The following PEX1 variants were observed in gnomAD, a reference collection of about 807,000 sequenced individuals.
PEX1 encodes the protein peroxisomal biogenesis factor 1.
PEX1 carries 97 observed loss-of-function variants against 152.5 expected under a neutral mutation model. That is an observed-to-expected ratio of 0.64 (90% CI 0.54 to 0.75). The LOEUF (loss-of-function observed/expected upper bound fraction) is 0.75, where lower values mean the gene tolerates loss of function less well. PEX1 is among the 30% of genes least tolerant of loss of function. The probability of loss-of-function intolerance (pLI) is 0.00; values close to 1 mark genes in which losing one functional copy is unlikely to be tolerated. For synonymous variants in PEX1, 485 were observed against 531.6 expected (o/e 0.91, Z 1.21); for missense variants, 1,357 against 1,516.3 (o/e 0.89, Z 1.74).
chr7:92,504,964 T>TATAAAATTGAG, intron 11 of PEX1, 62 bp from the exon 12 acceptor site: 1 of 1,290,422 alleles, frequency 7.7e-7, no homozygotes, highest in Non-Finnish European at 1.1e-6. Context: ...ATTCAGGTTG[T>TATAAAATTGAG]CCTTTTGAAA....
In PEX1 at chr7:92,507,079, CTG is replaced by C. The variant is rs786204606; in HGVS notation, c.1716_1717del (p.His572GlnfsTer19). On this transcript the variant is annotated frameshift_variant, in exon 10 of 24. Coordinates refer to ENST00000248633, the MANE Select transcript of PEX1 (RefSeq NM_000466.3). LOFTEE classifies it high-confidence loss of function. ...CCGAGACAAAGGGCGTCCCAGGAGG[CTG>C]TGAGTGATGTGCTCCAAGGAGGATA... 9 of 1,613,744 alleles carry C rather than the reference CTG, an allele frequency of 5.6e-6. No homozygotes were observed. Among genetic ancestry groups the C allele is most frequent in the African/African-American group, 1.3e-5 (1 of 74,880 alleles).
chr7:92,493,134 AAGG>A lies in PEX1; in HGVS notation c.3031-8_3031-6del. On this transcript the variant is annotated splice_region_variant and splice_polypyrimidine_tract_variant and intron_variant, in intron 19 of 23. Coordinates refer to ENST00000248633, the MANE Select transcript of PEX1 (RefSeq NM_000466.3). ...TAAAATTTCAAGACGTGACACCTGA[AAGG>A]AGAAAAATTTATTTAACAAATAAAA... 1.3e-6 allele frequency: 2 copies of A among 1,525,824 alleles called. No individual in the cohort carries two copies. The highest frequency in any genetic ancestry group is 1.8e-6 in the Non-Finnish European group (2 of 1,109,356). The allele number at this position is 1,525,824 out of a possible 1,614,324, so 94.5% of individuals were successfully genotyped here.
chr7:92,514,949 T>C (rs901107085), intron 5 of PEX1, among the ~76,000 whole-genome samples: 4 of 151,148 alleles, frequency 2.6e-5, no homozygotes, highest in African/African-American at 9.7e-5. Flanking sequence ...CTCGGGAGGC[T>C]GAGGCAAGAG....
At position 92,511,581 on chromosome 7, in the gene PEX1, A is replaced by G; in HGVS notation, c.1482T>C (p.Asp494=). 6.2e-7 allele frequency: 1 copy of G among 1,610,268 alleles called. No homozygotes were observed. Among genetic ancestry groups the G allele is most frequent in the Non-Finnish European group, 8.5e-7 (1 of 1,177,356 alleles). The change falls in exon 7 of 24, where the codon GAT becomes GAC. Residue 494 remains aspartate, a splice_region_variant and synonymous_variant. Coordinates refer to ENST00000248633, the MANE Select transcript of PEX1 (RefSeq NM_000466.3). ...AGTCAAAATAACAAATGTACTCACC[A>G]TCTTTAGTTTCCAGCTTAATAAATT... is the stretch of plus-strand genomic sequence containing the variant. The part of the protein sequence containing the change: ...EEEFIKLETK[D]GLKEFSLSIV...
At chr7:92,494,462 C>A in intron 18 of PEX1, 25 bp downstream of exon 18, 2 of 1,612,572 alleles carry the variant, frequency 1.2e-6, no homozygotes. Flanking sequence ...TTATAACATT[C>A]TATTTCTGTA....
chr7:92,519,795 GTA>G (rs1277650409), intron 2 of PEX1, among the ~76,000 whole-genome samples: 1 of 152,154 alleles, frequency 6.6e-6, no homozygotes, highest in African/African-American at 2.4e-5. Flanking sequence ...TGTAACACTA[GTA>G]TGTCTATAAG....
chr7:92,528,341 G>A lies in PEX1; in HGVS notation c.95C>T (p.Pro32Leu), dbSNP rs1314031663. ...ATGCAGCTGGGCCACGAGACGCCGC[G>A]GCAGGTGGAGGAAGCAGTCGCGAGC... is the stretch of plus-strand genomic sequence containing the variant. Reference protein sequence around the residue: ...TNARDCFLHLPRRLVAQLHLL... With the variant: ...TNARDCFLHLLRRLVAQLHLL... The change falls in exon 1 of 24, where the codon CCG (proline) becomes CTG (leucine). Residue 32 changes from proline to leucine, a missense_variant. Physicochemically the swap from Pro to Leu is moderately conservative, Grantham distance 98. Coordinates refer to ENST00000248633, the MANE Select transcript of PEX1 (RefSeq NM_000466.3). 1 of 1,571,908 alleles carries A rather than the reference G, an allele frequency of 6.4e-7. No individual in the cohort carries two copies. Among genetic ancestry groups the A allele is most frequent in the African/African-American group, 1.3e-5 (1 of 74,234 alleles).
chr7:92,511,037 T>A lies in PEX1; in HGVS notation c.1494A>T (p.Glu498Asp), dbSNP rs774980172. 2.0e-6 allele frequency: 3 copies of A among 1,465,142 alleles called. No homozygotes were observed. The highest frequency in any genetic ancestry group is 1.9e-6 in the Non-Finnish European group (2 of 1,045,838). 90.8% of individuals were successfully genotyped at this position (1,465,142 alleles called of 1,614,324 possible). Residue 498 changes from glutamate to aspartate, a missense_variant, in exon 8 of 24, where the codon GAA (glutamate) becomes GAT (aspartate). Physicochemically the swap from Glu to Asp is conservative, Grantham distance 45. Coordinates refer to ENST00000248633, the MANE Select transcript of PEX1 (RefSeq NM_000466.3). Reference protein sequence around the residue: ...IKLETKDGLKEFSLSIVHSWE... With the variant: ...IKLETKDGLKDFSLSIVHSWE... Reference sequence around the variant, plus strand: ...AAGAATGAACTATACTCAGAGAAAATTCCTTCAGTCCTATTAAAAAGAAAG... The same window carrying A: ...AAGAATGAACTATACTCAGAGAAAAATCCTTCAGTCCTATTAAAAAGAAAG...
rs979440046 is a variant in PEX1 at position 92,493,190 on chromosome 7, T to G, written c.3031-61A>C. ...TAAAATTAAAAATATTATCTTAAAT[T>G]GTGTATCTTATGATTTTCTTCATAA... On this transcript the variant is annotated intron_variant, in intron 19 of 23. Transcript: ENST00000248633. 4.6e-5 allele frequency: 44 copies of G among 949,508 alleles called. No individual in the cohort carries two copies. In the African/African-American group the frequency reaches 5.9e-4, roughly 13 times the overall value. 58.8% of individuals were successfully genotyped at this position (949,508 alleles called of 1,614,324 possible).
In PEX1 at chr7:92,509,317, A is replaced by G. The variant is rs1256902997; in HGVS notation, c.1670+12T>C. ...ACATGTCTAACATGCTAGTTTGGCC[A>G]TAACTTCTTACCCCAAAGAGCTCAG... On this transcript the variant is annotated intron_variant, in intron 9 of 23. Coordinates refer to ENST00000248633, the MANE Select transcript of PEX1 (RefSeq NM_000466.3). 6.3e-7 allele frequency: 1 copy of G among 1,592,414 alleles called. No homozygotes were observed. The highest frequency in any genetic ancestry group is 1.1e-5 in the South Asian group (1 of 90,650).
At position 92,521,515 on chromosome 7, in the gene PEX1, A is replaced by C. The variant is rs543865900; in HGVS notation, c.273+587T>G. Among the ~76,000 whole-genome samples the C allele has an allele frequency of 1.2e-3, 183 of 151,870 alleles. 1 individual carries two copies. The highest frequency in any genetic ancestry group is 2.9e-3 in the South Asian group (14 of 4,796). ...AGCAGTGCAATCTCAGCTCACTGCA[A>C]CCTCCACCTCCCAGGTTCAAGCAAT... On this transcript the variant is annotated intron_variant, in intron 2 of 23. Coordinates refer to ENST00000248633, the MANE Select transcript of PEX1 (RefSeq NM_000466.3).
chr7:92,528,162 G>A, intron 1 of PEX1, 145 bp downstream of exon 1: 1 of 1,028,538 alleles, frequency 9.7e-7, no homozygotes, highest in South Asian at 1.5e-5. Context: ...AGACTACCCA[G>A]AAGGGCCCTG....
At chr7:92,504,353 C>A (rs1318197352) in intron 12 of PEX1, among the ~76,000 whole-genome samples, 1 of 152,086 alleles carries the variant, frequency 6.6e-6, no homozygotes, top group Non-Finnish European at 1.5e-5. Flanking sequence ...CAGTAGCCAT[C>A]ATTATTAGTA....
chr7:92,502,150 G>A, intron 13 of PEX1, 71 bp from the exon 14 acceptor site: 1 of 1,116,232 alleles, frequency 9.0e-7, no homozygotes, highest in South Asian at 1.4e-5. Flanking sequence ...TATATTTGGA[G>A]AAAATCAGGT....
At chr7:92,521,772 G>A (rs568545984) in intron 2 of PEX1, among the ~76,000 whole-genome samples, 1 of 152,168 alleles carries the variant, frequency 6.6e-6, no homozygotes, top group East Asian at 1.9e-4. Flanking sequence ...GACCATGGAA[G>A]GTTATAAAAT....
At chr7:92,510,883 T>C in intron 8 of PEX1, 61 bp downstream of exon 8, 3 of 928,868 alleles carry the variant, frequency 3.2e-6, no homozygotes, top group Non-Finnish European at 5.2e-6. Flanking sequence ...AACTTCATAC[T>C]TTATTATCAA....
Position 92,517,438 on chromosome 7 carries a change from C to G in PEX1, c.1077G>C (p.Lys359Asn). Residue 359 changes from lysine to asparagine, a missense_variant, in exon 5 of 24, where the codon AAG becomes AAC. Coordinates refer to ENST00000248633, the MANE Select transcript of PEX1 (RefSeq NM_000466.3). ...TTTGATCTAGTGGCTCTGACATCTG[C>G]TTCTCTTTTTCAGGTGATAACACAT... The part of the protein sequence containing the change: ...KQNVLSPEKE[K>N]QMSEPLDQKK... 1 of 1,613,890 alleles carries G rather than the reference C, an allele frequency of 6.2e-7. No individual in the cohort carries two copies. The highest frequency in any genetic ancestry group is 8.5e-7 in the Non-Finnish European group (1 of 1,179,990).
At chr7:92,520,468 G>A (rs559041582) in intron 2 of PEX1, among the ~76,000 whole-genome samples, 5 of 152,148 alleles carry the variant, frequency 3.3e-5, no homozygotes, top group Non-Finnish European at 5.9e-5. Flanking sequence ...AAGTTAAAAA[G>A]ACATGGCACT....
chr7:92,495,321 GA>G (rs1387564804), intron 17 of PEX1, among the ~76,000 whole-genome samples: 2 of 151,938 alleles, frequency 1.3e-5, no homozygotes, highest in Non-Finnish European at 2.9e-5. Context: ...CACGGTGATT[GA>G]AAAAAATCAA....
Sources: allele counts gnomAD v4.1 joint callset (sites outside exome capture counted in the v4.1 genomes callset), GRCh38; gene constraint gnomAD v4.1.1; transcripts MANE v1.5; gene names NCBI Gene and HGNC (gene_info 2026-07-23, HGNC 2026-07-21).